HEBP1: variants seen among roughly 807,000 people sequenced by gnomAD.
The protein encoded by HEBP1 is heme binding protein 1.
Under a neutral mutation model 20.4 loss-of-function variants are expected in HEBP1, and 13 were observed. The ratio of observed to expected loss-of-function variants is 0.64; its 90% CI spans 0.42 to 1.01. HEBP1 has a LOEUF of 1.01. Among genes scored for constraint, HEBP1 ranks in the 50% least tolerant of loss-of-function variants. HEBP1 has a pLI of 0.00. For synonymous variants in HEBP1, 92 were observed against 90.7 expected, an observed-to-expected ratio of 1.01 and a Z score of -0.08; for missense variants, 241 against 247.3, an observed-to-expected ratio of 0.97 and a Z score of 0.17.
rs1246510369 is a variant in HEBP1, at chr12:12,986,378, A to G, written c.398+774T>C. 3 of 152,192 alleles carry G rather than the reference A, an allele frequency of 2.0e-5. No homozygotes were observed. Among genetic ancestry groups the G allele is most frequent in the Non-Finnish European group, 2.9e-5 (2 of 68,040 alleles). 9.4% of individuals were successfully genotyped at this position (152,192 alleles called of 1,614,324 possible). ...GGACCAATACTCAGTCCAGTGCAAT[A>G]TTATATGTATGTGAATTTTTCATGA... On this transcript the variant is annotated intron_variant, in intron 3 of 3. Transcript: ENST00000014930. The surrounding 1 kb of genome is among the most constrained non-coding windows in gnomAD (Gnocchi z 4.3).
chr12:13,000,039 T>C lies in HEBP1; in HGVS notation c.76A>G (p.Lys26Glu). The C allele has an allele frequency of 1.2e-6, 2 of 1,609,510 alleles. No homozygotes were observed. Among genetic ancestry groups the C allele is most frequent in the Non-Finnish European group, 8.5e-7 (1 of 1,176,944 alleles). ...CCTCGGCAGCCCTGCGGGCCTACCT[T>C]GTCCCCTTTGCTTAGGACCTGCCAA... is the stretch of plus-strand genomic sequence containing the variant. ...WPWQVLSKGD[K>E]EEVAYEERAC... is the part of the protein sequence containing the mutation. The change falls in exon 1 of 4, where the codon AAG (lysine) becomes GAG (glutamate). Residue 26 changes from lysine to glutamate, a missense_variant and splice_region_variant. Transcript: ENST00000014930.
Position 12,998,500 on chromosome 12 carries a change from A to T in HEBP1, c.78+1537T>A, listed in dbSNP as rs1864317424. On this transcript the variant is annotated intron_variant, in intron 1 of 3. Transcript: ENST00000014930. This position sits in a 1 kb window ranked among gnomAD's most constrained non-coding sequence, Gnocchi z 4.2. ...CCCACTATGCCTTATAGCCTAAAAC[A>T]GCCAGCTTCATCCATTTCCATTACC... Among the ~76,000 whole-genome samples, 1 of 152,198 alleles carries T rather than the reference A, an allele frequency of 6.6e-6. No individual in the cohort carries two copies. The highest frequency in any genetic ancestry group is 1.5e-5 in the Non-Finnish European group (1 of 68,040).
intron 2 of HEBP1, among the ~76,000 whole-genome samples, chr12:12,987,590 T>TTCTCTCTCTCTCTCTC (rs145821079): frequency 1.5e-5 from 2 of 133,212 alleles, no homozygotes; most frequent in African/African-American, 5.8e-5. Context: ...ATCAGTCTCT[T>TTCTCTCTCTCTCTCTC]TCTCTCTCTC....
chr12:12,982,559 C>T (rs1348986398), intron 3 of HEBP1, among the ~76,000 whole-genome samples: 3 of 152,206 alleles, frequency 2.0e-5, no homozygotes, highest in Non-Finnish European at 4.4e-5. Flanking sequence ...TGCCAATGGC[C>T]TCCATTGGGG....
rs1405194790 is a variant in HEBP1, at chr12:12,987,248, C to T, written c.302G>A (p.Trp101Ter). ...DGSLQKKLKV[W>*]FRIPNQFQSD... is the part of the protein sequence containing the mutation. ...TTGAAATTGGTTTGGAATCCGGAAC[C>T]AGACTTTTAATTTCTTCTGCAGAGA... Residue 101 changes from tryptophan to a stop codon, truncating the protein, a stop_gained, in exon 3 of 4, where the codon TGG (tryptophan) becomes TAG (stop). Transcript: ENST00000014930. LOFTEE classifies it high-confidence loss of function. 10 of 1,614,036 alleles carry T rather than the reference C, an allele frequency of 6.2e-6. No individual in the cohort carries two copies. Among genetic ancestry groups the T allele is most frequent in the Non-Finnish European group, 8.5e-6 (10 of 1,180,006 alleles).
At chr12:12,975,735 C>CT (rs1863972222) in intron 3 of HEBP1, among the ~76,000 whole-genome samples, 1 of 118,376 alleles carries the variant, frequency 8.4e-6, no homozygotes, top group African/African-American at 2.6e-5. Flanking sequence ...GTGAAAAACT[C>CT]TAATGCGGGG....
intron 3 of HEBP1, chr12:12,979,349 A>G (rs936239815): frequency 1.3e-5 from 2 of 152,454 alleles, no homozygotes; most frequent in Non-Finnish European, 2.9e-5. Flanking sequence ...CTGGAAAACA[A>G]ACAAACTGGG....
chr12:12,981,127 C>T (rs1315843665), intron 3 of HEBP1, among the ~76,000 whole-genome samples: 1 of 152,062 alleles, frequency 6.6e-6, no homozygotes, highest in East Asian at 1.9e-4. Context: ...CAGCTGGGAG[C>T]TGACCAGGAT....
At chr12:12,989,804 A>G (rs1189019571) in intron 1 of HEBP1, among the ~76,000 whole-genome samples, 1 of 152,226 alleles carries the variant, frequency 6.6e-6, no homozygotes, top group Non-Finnish European at 1.5e-5. Context: ...AGATAAACTT[A>G]GAAGGGAGGA....
chr12:12,992,946 T>C (rs1864242639), intron 1 of HEBP1, among the ~76,000 whole-genome samples: 1 of 152,314 alleles, frequency 6.6e-6, no homozygotes, highest in African/African-American at 2.4e-5. Flanking sequence ...GTGATGTAAC[T>C]ACTGAATGGT....
chr12:12,987,913 G>C (rs188957689), intron 2 of HEBP1, among the ~76,000 whole-genome samples: 1 of 152,268 alleles, frequency 6.6e-6, no homozygotes, highest in African/African-American at 2.4e-5. Context: ...TGGGATTACA[G>C]GTGTGAGCCA....
At chr12:12,987,361 A>AC in intron 2 of HEBP1, 29 bp from the exon 3 acceptor site, 1 of 1,593,338 alleles carries the variant, frequency 6.3e-7, no homozygotes. Context: ...AGAGTGAGGC[A>AC]GGGATCAGAG....
intron 3 of HEBP1, chr12:12,979,745 G>A (rs1026733296): frequency 3.3e-5 from 5 of 152,172 alleles, no homozygotes; most frequent in African/African-American, 4.8e-5. Context: ...CTTGAAAGAA[G>A]CTCTCCTCCA....
intron 2 of HEBP1, among the ~76,000 whole-genome samples, chr12:12,987,655 G>A (rs1018138851): frequency 1.5e-5 from 2 of 137,632 alleles, no homozygotes; most frequent in Non-Finnish European, 3.1e-5. Flanking sequence ...TCTTCCGACA[G>A]TCTTGCTCTG....
intron 1 of HEBP1, among the ~76,000 whole-genome samples, chr12:12,995,642 G>A (rs1224455160): frequency 3.9e-5 from 6 of 152,194 alleles, no homozygotes; most frequent in African/African-American, 1.4e-4. Context: ...AGGCTTAAGA[G>A]ATGGATTTGT....
intron 3 of HEBP1, among the ~76,000 whole-genome samples, chr12:12,976,077 CA>C (rs56110606): frequency 0.033 from 2,870 of 85,812 alleles, 25 homozygotes; most frequent in Middle Eastern, 0.071. Flanking sequence ...GACCCTGTGT[CA>C]AAAAAAAAAA....
intron 3 of HEBP1, 46 bp from the exon 4 acceptor site, chr12:12,975,525 TG>T: frequency 1.3e-6 from 2 of 1,527,424 alleles, no homozygotes. Flanking sequence ...ACATGACCTC[TG>T]AGAGAGGGGG....
intron 1 of HEBP1, 24 bp from the exon 2 acceptor site, chr12:12,989,439 T>A (rs935401558): frequency 1.2e-6 from 2 of 1,613,150 alleles, no homozygotes; most frequent in Middle Eastern, 1.7e-4. Context: ...AGGTACAGTG[T>A]TTAAGAGGTA....
intron 3 of HEBP1, among the ~76,000 whole-genome samples, chr12:12,981,598 G>A (rs568419534): frequency 6.6e-6 from 1 of 152,276 alleles, no homozygotes; most frequent in South Asian, 2.1e-4. Context: ...CCCACCTAGT[G>A]CAAATGTCAC....
Sources: allele counts gnomAD v4.1 joint callset (sites outside exome capture counted in the v4.1 genomes callset), GRCh38; gene constraint gnomAD v4.1.1; non-coding constraint Gnocchi (gnomAD v3.1); transcripts MANE v1.5; gene names NCBI Gene and HGNC (gene_info 2026-07-23, HGNC 2026-07-21).